DCAF5: variants seen among roughly 807,000 people sequenced by gnomAD.
DCAF5 encodes the protein DDB1- and CUL4-associated factor 5.
DCAF5 carries 9 observed loss-of-function variants against 80.7 expected under a neutral mutation model. The ratio of observed to expected loss-of-function variants is 0.11; its 90% confidence interval spans 0.07 to 0.19. The LOEUF (loss-of-function observed/expected upper bound fraction) is 0.19. Among genes scored for constraint, DCAF5 ranks in the 10% least tolerant of loss-of-function variants. DCAF5 has a pLI of 1.00. For missense variants in DCAF5, 842 were observed against 1,205.7 expected (o/e 0.70, Z 4.47); for synonymous variants, 433 against 461.9 (o/e 0.94, Z 0.80).
intron 5 of DCAF5, among the ~76,000 whole-genome samples, chr14:69,103,189 T>A (rs574196479): frequency 1.4e-4 from 21 of 152,360 alleles, no homozygotes; most frequent in Admixed American, 7.2e-4. Flanking sequence ...TATAGTAGCA[T>A]ACTATTTGTG....
chr14:69,116,295 A>G (rs1566768832), intron 5 of DCAF5, 71 bp downstream of exon 5: 9 of 1,550,864 alleles, frequency 5.8e-6, no homozygotes, highest in Non-Finnish European at 7.0e-6. Flanking sequence ...TACAACACTT[A>G]CTGGCTGGTC....
intron 7 of DCAF5, among the ~76,000 whole-genome samples, chr14:69,074,418 A>G (rs1204887035): frequency 6.6e-6 from 1 of 152,218 alleles, no homozygotes; most frequent in African/African-American, 2.4e-5. Flanking sequence ...GGGGGGGGAA[A>G]CTAAGTAAAA....
chr14:69,055,306 C>A lies in DCAF5; in HGVS notation c.1380G>T (p.Glu460Asp). The change falls in exon 9 of 9, where the codon GAG (glutamate) becomes GAT (aspartate). Residue 460 changes from glutamate (E) to aspartate (D), a missense_variant. Around this residue, in one of 5 missense-constraint regions of DCAF5, gnomAD observed 607 missense variants for 656.6 expected, o/e 0.92. Coordinates refer to ENST00000341516, the MANE Select transcript of DCAF5 (RefSeq NM_003861.3). This position sits in a 1 kb window ranked among gnomAD's most constrained non-coding sequence, Gnocchi z 5.6. ...GGGAGCGAGGCAATGAGGCCGAAGA[C>A]TCTGAGTCAGTGTAGCCTGAGCGCT... Reference protein sequence around the residue: ...VSERSGYTDSESSASLPRSPP... With the variant: ...VSERSGYTDSDSSASLPRSPP... 6.2e-7 allele frequency: 1 copy of A among 1,614,162 alleles called. No homozygotes were observed. The highest frequency in any genetic ancestry group is 8.5e-7 in the Non-Finnish European group (1 of 1,180,022).
At position 69,054,295 on chromosome 14, in the gene DCAF5, G is replaced by A; in HGVS notation, c.2391C>T (p.Val797=). ...TGAGAGTGGAGCCAGATGCCTTGGG[G>A]ACAGGAGGAGAAGGCGGCTCCTCAG... is the stretch of plus-strand genomic sequence containing the variant. The part of the protein sequence containing the change: ...SRAEEPPSPP[V]PKASGSTLNS... The change falls in exon 9 of 9, where the codon GTC becomes GTT. Residue 797 remains valine, a synonymous_variant. Coordinates refer to ENST00000341516, the MANE Select transcript of DCAF5 (RefSeq NM_003861.3). 6.2e-7 allele frequency: 1 copy of A among 1,614,246 alleles called. No individual in the cohort carries two copies. The highest frequency in any genetic ancestry group is 8.5e-7 in the Non-Finnish European group (1 of 1,180,046).
intron 6 of DCAF5, chr14:69,090,018 C>T (rs2039476081): frequency 1.0e-6 from 1 of 985,410 alleles, no homozygotes; most frequent in Non-Finnish European, 1.2e-6. Flanking sequence ...TAAACACAAC[C>T]TGAAGAAAAT....
At chr14:69,128,877 A>G (rs1411588106) in intron 1 of DCAF5, among the ~76,000 whole-genome samples, 1 of 151,848 alleles carries the variant, frequency 6.6e-6, no homozygotes, top group Non-Finnish European at 1.5e-5. Flanking sequence ...CAGTACTTTG[A>G]AAGGTCGAGG....
At chr14:69,126,134 CT>C (rs1319159993) in intron 1 of DCAF5, among the ~76,000 whole-genome samples, 1 of 147,464 alleles carries the variant, frequency 6.8e-6, no homozygotes, top group East Asian at 2.0e-4. Flanking sequence ...AATCAAAGAA[CT>C]AAATAAATAG....
chr14:69,057,708 A>AG (rs1343646092), intron 8 of DCAF5, among the ~76,000 whole-genome samples: 1 of 152,210 alleles, frequency 6.6e-6, no homozygotes, highest in Non-Finnish European at 1.5e-5. Flanking sequence ...CAGGATTAAG[A>AG]GGCAGGAGTC....
In DCAF5 at chr14:69,120,252, T is replaced by A. The variant is rs577930391; in HGVS notation, c.359-1022A>T. 1.8e-4 allele frequency among the ~76,000 whole-genome samples: 27 copies of A among 151,010 alleles called. No individual in the cohort carries two copies. In the East Asian group the frequency reaches 4.5e-3, roughly 25 times the overall value. ...GCATGTGTCACTATGCCTGGCTAAT[T>A]AAAAAAAAAATTTTTTTTGTAGAGA... On this transcript the variant is annotated intron_variant, in intron 2 of 8. Coordinates refer to ENST00000341516, the MANE Select transcript of DCAF5 (RefSeq NM_003861.3).
At chr14:69,121,156 C>T (rs1374274159) in intron 2 of DCAF5, among the ~76,000 whole-genome samples, 3 of 152,150 alleles carry the variant, frequency 2.0e-5, no homozygotes, top group African/African-American at 7.2e-5. Flanking sequence ...TCAGGCCAGA[C>T]AGATAGATTG....
rs2041727734 is a variant in DCAF5 at position 69,152,182 on chromosome 14, G to T, written c.214+583C>A. ...GCGATGGTGCTGGGCCTCTAAGAGC[G>T]CCGAGGGGGGCGGCCCACAGCGACC... On this transcript the variant is annotated intron_variant, in intron 1 of 8. Coordinates refer to ENST00000341516, the MANE Select transcript of DCAF5 (RefSeq NM_003861.3). The surrounding 1 kb of genome is among the most constrained non-coding windows in gnomAD (Gnocchi z 4.1). Among the ~76,000 whole-genome samples, 1 of 152,262 alleles carries T rather than the reference G, an allele frequency of 6.6e-6. No homozygotes were observed. The highest frequency in any genetic ancestry group is 1.9e-4 in the East Asian group (1 of 5,170).
intron 6 of DCAF5, among the ~76,000 whole-genome samples, chr14:69,078,167 TACA>T (rs1489932994): frequency 3.3e-5 from 5 of 152,056 alleles, no homozygotes; most frequent in South Asian, 2.1e-4. Context: ...TTTCCTAAAC[TACA>T]ACAACAACAA....
At chr14:69,069,485 C>A (rs181574644) in intron 7 of DCAF5, among the ~76,000 whole-genome samples, 10 of 152,240 alleles carry the variant, frequency 6.6e-5, no homozygotes, top group Admixed American at 4.6e-4. Flanking sequence ...TTTGTAGACA[C>A]GGAGTCTCAT....
chr14:69,087,596 T>C (rs1240142018), intron 6 of DCAF5, among the ~76,000 whole-genome samples: 4 of 152,168 alleles, frequency 2.6e-5, no homozygotes, highest in African/African-American at 9.7e-5. Context: ...AATTATAATA[T>C]ACTAGAAAGA....
At chr14:69,134,194 T>A (rs1465638631) in intron 1 of DCAF5, among the ~76,000 whole-genome samples, 1 of 152,152 alleles carries the variant, frequency 6.6e-6, no homozygotes, top group Non-Finnish European at 1.5e-5. Context: ...AAATCCAAGA[T>A]GTCTGAGTCC....
chr14:69,084,191 A>G, intron 6 of DCAF5: 2 of 950,520 alleles, frequency 2.1e-6, no homozygotes, highest in Non-Finnish European at 3.5e-6. Flanking sequence ...TGGTGTTCTT[A>G]AGGAGCTAAT....
intron 5 of DCAF5, among the ~76,000 whole-genome samples, chr14:69,102,313 T>C (rs56274826): frequency 0.053 from 8,108 of 151,968 alleles, 322 homozygotes; most frequent in Non-Finnish European, 0.084. Context: ...TTCACCATGT[T>C]GGCCAGGCTG....
chr14:69,114,965 G>GC (rs1189422381), intron 5 of DCAF5, among the ~76,000 whole-genome samples: 6 of 152,176 alleles, frequency 3.9e-5, no homozygotes, highest in Non-Finnish European at 7.3e-5. Flanking sequence ...ACAGCTCAGT[G>GC]CCCCACTCCA....
At chr14:69,096,607 T>C (rs1488749834) in intron 5 of DCAF5, among the ~76,000 whole-genome samples, 1 of 152,184 alleles carries the variant, frequency 6.6e-6, no homozygotes, top group African/African-American at 2.4e-5. Context: ...AGTGGATGTG[T>C]TCTAGAGCCC....
Sources: gnomAD v4.1 joint callset for allele counts (sites outside exome capture counted in the v4.1 genomes callset) on GRCh38, gnomAD v4.1.1 for gene constraint, gnomAD v4.1.1 regional missense constraint, Gnocchi (gnomAD v3.1) non-coding constraint, MANE v1.5 for transcripts, NCBI Gene and HGNC (gene_info 2026-07-23, HGNC 2026-07-21) for gene names.